Variants in SGCD observed in about 807,000 individuals in gnomAD.
SGCD encodes sarcoglycan delta.
SGCD carries 18 observed loss-of-function variants against 36.6 expected under a neutral mutation model. That is an observed-to-expected ratio of 0.49 (90% CI 0.34 to 0.73). The LOEUF (loss-of-function observed/expected upper bound fraction) is 0.73. SGCD is among the 30% of genes least tolerant of loss of function. The pLI, the probability that SGCD is intolerant of heterozygous loss-of-function variation, is 0.01. For missense variants in SGCD, 387 were observed against 346.7 expected, an observed-to-expected ratio of 1.12 and a Z score of -0.92; for synonymous variants, 133 against 130.6, an observed-to-expected ratio of 1.02 and a Z score of -0.12.
chr5:156,194,151 A>C (rs2127633894), intron 3 of SGCD, among the ~76,000 whole-genome samples: 1 of 152,288 alleles, frequency 6.6e-6, no homozygotes, highest in South Asian at 2.1e-4. Flanking sequence ...TGAGGTGGGA[A>C]GATCACTTGA....
chr5:155,795,399 AATAGTGGTAAAACATAGTTGT>A, the SGCD span, among the ~76,000 whole-genome samples: 2,582 of 152,216 alleles, frequency 0.017, 82 homozygotes, highest in African/African-American at 0.058. Context: ...TAAATTTACC[AATAGTGGTAAAACATAGTTGT>A]ATGTTTTACC....
At chr5:156,179,977 A>G (rs1763564175) in intron 3 of SGCD, among the ~76,000 whole-genome samples, 1 of 152,166 alleles carries the variant, frequency 6.6e-6, no homozygotes, top group Admixed American at 6.5e-5. Flanking sequence ...CTATAAAAAA[A>G]TACAAGAGGA....
chr5:156,020,054 T>C lies in SGCD; in HGVS notation c.-281-97824T>C, dbSNP rs906678735. On this transcript the variant is annotated intron_variant, in intron 1 of 9. Coordinates refer to the SGCD transcript ENST00000517913. ...CTGCCTCGAATTCCCTTCTCAGATT[T>C]TCCATGTCACTTGCCCAGATCGACT... Among the ~76,000 whole-genome samples the C allele has an allele frequency of 5.3e-5, 8 of 152,338 alleles. No homozygotes were observed. The East Asian group carries it at 1.2e-3, about 22-fold the overall frequency.
At chr5:155,963,198 C>G (rs1487029004) in intron 1 of SGCD, among the ~76,000 whole-genome samples, 2 of 151,966 alleles carry the variant, frequency 1.3e-5, no homozygotes, top group African/African-American at 4.8e-5. Flanking sequence ...TTCAGCCAAC[C>G]CATCATAAAT....
At chr5:156,225,341 T>C (rs2127647815) in intron 3 of SGCD, among the ~76,000 whole-genome samples, 1 of 152,272 alleles carries the variant, frequency 6.6e-6, no homozygotes, top group South Asian at 2.1e-4. Flanking sequence ...TGAAGATTAA[T>C]AGGGTGTTTG....
chr5:155,966,065 C>G (rs1448089984), intron 1 of SGCD, among the ~76,000 whole-genome samples: 2 of 152,022 alleles, frequency 1.3e-5, no homozygotes, highest in Non-Finnish European at 2.9e-5. Context: ...TCCTGTGAAC[C>G]TCTTAAAATA....
chr5:156,467,902 G>C (rs545255830), intron 3 of SGCD, among the ~76,000 whole-genome samples: 1 of 152,352 alleles, frequency 6.6e-6, no homozygotes, highest in East Asian at 1.9e-4. Flanking sequence ...TTTGTTGGAA[G>C]TGTATGTGAA....
At chr5:156,211,074 T>G (rs1399759719) in intron 3 of SGCD, among the ~76,000 whole-genome samples, 2 of 151,930 alleles carry the variant, frequency 1.3e-5, no homozygotes, top group African/African-American at 4.8e-5. Context: ...GCATATAATA[T>G]GTAATGGAGT....
intron 1 of SGCD, among the ~76,000 whole-genome samples, chr5:155,894,090 A>G (rs1157772262): frequency 6.6e-6 from 1 of 152,192 alleles, no homozygotes; most frequent in Non-Finnish European, 1.5e-5. Flanking sequence ...GCGAGTGGTG[A>G]GTGAATGTGA....
chr5:155,829,510 A>G, the SGCD span, among the ~76,000 whole-genome samples: 10 of 152,212 alleles, frequency 6.6e-5, no homozygotes. Context: ...CTGTGCAGAG[A>G]GTGATGGCTG....
At chr5:155,886,871 G>A (rs1238915519) in intron 1 of SGCD, among the ~76,000 whole-genome samples, 1 of 152,102 alleles carries the variant, frequency 6.6e-6, no homozygotes, top group Non-Finnish European at 1.5e-5. Context: ...CCTCAGAAGG[G>A]GCTGCCAAGT....
At chr5:156,722,139 GCTGA>G (rs1472784265) in intron 7 of SGCD, among the ~76,000 whole-genome samples, 3 of 152,220 alleles carry the variant, frequency 2.0e-5, no homozygotes, top group Non-Finnish European at 4.4e-5. Flanking sequence ...ACGCCATTCT[GCTGA>G]CTAACTCAGA....
chr5:155,893,770 T>C (rs1756187348), intron 1 of SGCD, among the ~76,000 whole-genome samples: 1 of 152,202 alleles, frequency 6.6e-6, no homozygotes, highest in African/African-American at 2.4e-5. Flanking sequence ...AGAAATGTGC[T>C]CTTAGATAAT....
chr5:155,871,270 T>G (rs1755651340), intron 1 of SGCD, among the ~76,000 whole-genome samples: 1 of 152,170 alleles, frequency 6.6e-6, no homozygotes, highest in Non-Finnish European at 1.5e-5. Flanking sequence ...CATCCTGTGT[T>G]GAAGAGACGG....
At chr5:156,345,799 C>T (rs868178337) in intron 3 of SGCD, among the ~76,000 whole-genome samples, 84 of 152,022 alleles carry the variant, frequency 5.5e-4, no homozygotes, top group Middle Eastern at 6.8e-3. Flanking sequence ...TGTGACAATC[C>T]CAAATATCAT....
At chr5:156,170,545 A>G (rs753685867) in intron 3 of SGCD, among the ~76,000 whole-genome samples, 13 of 152,162 alleles carry the variant, frequency 8.5e-5, no homozygotes, top group Non-Finnish European at 1.6e-4. Flanking sequence ...TTGTCCAGGG[A>G]GCAAGTGCTT....
At chr5:156,225,511 C>T (rs965973379) in intron 3 of SGCD, among the ~76,000 whole-genome samples, 2 of 152,080 alleles carry the variant, frequency 1.3e-5, no homozygotes, top group Non-Finnish European at 2.9e-5. Context: ...AAAGAATACA[C>T]AGAACCATGA....
At chr5:156,007,018 A>G (rs934039431) in intron 1 of SGCD, among the ~76,000 whole-genome samples, 3 of 152,238 alleles carry the variant, frequency 2.0e-5, no homozygotes, top group African/African-American at 4.8e-5. Context: ...TGCTGGTTCA[A>G]CTGCACACCT....
chr5:156,683,083 G>A (rs1194491884), intron 7 of SGCD, among the ~76,000 whole-genome samples: 2 of 152,148 alleles, frequency 1.3e-5, no homozygotes, highest in Non-Finnish European at 2.9e-5. Flanking sequence ...GAATGGAGTG[G>A]GGTGATCTGA....
Sources: allele counts gnomAD v4.1 joint callset (sites outside exome capture counted in the v4.1 genomes callset), GRCh38; gene constraint gnomAD v4.1.1; transcripts MANE v1.5; gene names NCBI Gene and HGNC (gene_info 2026-07-23, HGNC 2026-07-21).